CYRIB: variants seen among roughly 807,000 people sequenced by gnomAD.
CYRIB encodes CYFIP related Rac1 interactor B.
Under a neutral mutation model 44.2 loss-of-function variants are expected in CYRIB, and 8 were observed. The observed-to-expected ratio is 0.18, with a 90% CI of 0.11 to 0.33. CYRIB has a LOEUF of 0.33. Ranked by LOEUF, CYRIB falls within the 10% of genes least tolerant of loss-of-function variation. The pLI, the probability that CYRIB is intolerant of heterozygous loss-of-function variation, is 1.00. For synonymous variants in CYRIB, 131 were observed against 127.2 expected, an observed-to-expected ratio of 1.03 and a Z score of -0.20; for missense variants, 185 against 382.8, an observed-to-expected ratio of 0.48 and a Z score of 4.31.
At chr8:129,982,781 T>C (rs373689443) in intron 1 of CYRIB, among the ~76,000 whole-genome samples, 4 of 152,338 alleles carry the variant, frequency 2.6e-5, no homozygotes, top group African/African-American at 4.8e-5. Context: ...AGCAGATCTC[T>C]AAAACCCTTG....
chr8:129,993,933 G>A lies in CYRIB; in HGVS notation c.-296+22437C>T, dbSNP rs75980645. Among the ~76,000 whole-genome samples, 1,451 of 151,692 alleles carry A rather than the reference G, an allele frequency of 9.6e-3. 12 individuals carry two copies. The highest frequency in any genetic ancestry group is 0.017 in the Non-Finnish European group (1,155 of 67,956). ...CCTCCCTCAATTCTCCCACCATCTG[G>A]ACACCATCATCCAGTTGTGTGTCTC... On this transcript the variant is annotated intron_variant, in intron 1 of 14. Coordinates refer to the CYRIB transcript ENST00000401979.
At chr8:129,988,421 C>A (rs1406879449) in intron 1 of CYRIB, among the ~76,000 whole-genome samples, 1 of 152,190 alleles carries the variant, frequency 6.6e-6, no homozygotes, top group Non-Finnish European at 1.5e-5. Context: ...GCCACGTGGA[C>A]CTGTGAATGT....
intron 4 of CYRIB, among the ~76,000 whole-genome samples, chr8:129,866,667 C>A (rs1319579607): frequency 6.6e-6 from 1 of 152,132 alleles, no homozygotes; most frequent in African/African-American, 2.4e-5. Flanking sequence ...TATTTTCTTG[C>A]AAGGATCTAA....
At chr8:129,989,655 T>C (rs1451686567) in intron 1 of CYRIB, among the ~76,000 whole-genome samples, 2 of 151,732 alleles carry the variant, frequency 1.3e-5, no homozygotes, top group African/African-American at 4.8e-5. Context: ...TTTTTTTTTT[T>C]TAATTATACT....
intron 1 of CYRIB, among the ~76,000 whole-genome samples, chr8:129,992,673 G>C (rs1471492201): frequency 1.3e-5 from 2 of 152,228 alleles, no homozygotes; most frequent in Admixed American, 6.5e-5. Flanking sequence ...CAGAGCTGCA[G>C]AGCCCTGATC....
chr8:129,993,700 A>C (rs2096699169), intron 1 of CYRIB, among the ~76,000 whole-genome samples: 1 of 151,806 alleles, frequency 6.6e-6, no homozygotes, highest in Non-Finnish European at 1.5e-5. Context: ...CTCTCTCAAA[A>C]AAAAAAAAAA....
intron 2 of CYRIB, among the ~76,000 whole-genome samples, chr8:129,951,237 G>A (rs1470171919): frequency 6.6e-6 from 1 of 152,190 alleles, no homozygotes; most frequent in Non-Finnish European, 1.5e-5. Context: ...CTGGGAGACA[G>A]AAGTTGCAGT....
At chr8:129,928,565 C>T (rs1284997546) in intron 1 of CYRIB, among the ~76,000 whole-genome samples, 1 of 151,518 alleles carries the variant, frequency 6.6e-6, no homozygotes, top group Admixed American at 6.6e-5. Context: ...GAGGCTGAAG[C>T]AGGAGGATCG....
rs148588700 is a variant in CYRIB, at chr8:129,923,645, A to G, written c.-50+15963T>C. Among the ~76,000 whole-genome samples the G allele has an allele frequency of 4.6e-4, 70 of 152,154 alleles. No individual in the cohort carries two copies. The South Asian group carries it at 0.01, about 22-fold the overall frequency. ...AGTAAAACTACTTTTCATTCTTTCT[A>G]AAAACTTTTCACATTTCAAATCAAA... On this transcript the variant is annotated intron_variant, in intron 1 of 11. Transcript: ENST00000519824.
chr8:129,982,848 CTTT>C (rs1350221110), intron 1 of CYRIB, among the ~76,000 whole-genome samples: 12 of 152,186 alleles, frequency 7.9e-5, no homozygotes, highest in African/African-American at 2.9e-4. Context: ...CTCACCACCT[CTTT>C]CTGTCCCCAG....
At chr8:129,849,401 GTGCA>G (rs1416817650) in intron 9 of CYRIB, 32 bp from the exon 12 acceptor site, 1 of 1,569,820 alleles carries the variant, frequency 6.4e-7, no homozygotes, top group African/African-American at 1.4e-5. Context: ...CATGGAAGAA[GTGCA>G]TTACAAAATT....
At chr8:129,979,572 T>G (rs16904185) in intron 1 of CYRIB, among the ~76,000 whole-genome samples, 40,777 of 152,048 alleles carry the variant, frequency 0.27, 5,679 homozygotes, top group East Asian at 0.39. Flanking sequence ...ATTGCTATAA[T>G]ACTGGGTCGT....
chr8:129,965,749 T>G (rs2095452318), intron 2 of CYRIB, among the ~76,000 whole-genome samples: 1 of 151,194 alleles, frequency 6.6e-6, no homozygotes, highest in Admixed American at 6.6e-5. Context: ...TGAGCTGAGA[T>G]CGCGCCACTG....
exon 12 of CYRIB, chr8:129,841,699 GTTAAT>G (rs1175597401): frequency 6.5e-6 from 1 of 154,904 alleles, no homozygotes; most frequent in African/African-American, 2.4e-5. Context: ...GTACAACACA[GTTAAT>G]TTAAACATTT....
At chr8:129,928,981 T>C (rs2089698336) in intron 1 of CYRIB, among the ~76,000 whole-genome samples, 2 of 152,212 alleles carry the variant, frequency 1.3e-5, no homozygotes, top group South Asian at 4.1e-4. Context: ...CATATCTGCA[T>C]ACAAATGTTC....
In CYRIB at chr8:129,892,659, G is replaced by A. The variant is rs115396071; in HGVS notation, c.-11+10653C>T. Among the ~76,000 whole-genome samples, 908 of 152,218 alleles carry A rather than the reference G, an allele frequency of 6.0e-3. 10 individuals carry two copies. Among genetic ancestry groups the A allele is most frequent in the African/African-American group, 0.021 (860 of 41,538 alleles). ...GGCTGATGTAAAACGCAAGAGCAATGGGCACAATTGGGTGGAAGTGTAAAC... is the reference window on the plus strand; with the variant it reads ...GGCTGATGTAAAACGCAAGAGCAATAGGCACAATTGGGTGGAAGTGTAAAC... On this transcript the variant is annotated intron_variant, in intron 2 of 11. Coordinates refer to ENST00000519824, the Ensembl canonical transcript of CYRIB.
intron 1 of CYRIB, among the ~76,000 whole-genome samples, chr8:129,906,069 A>C (rs1430304975): frequency 6.6e-6 from 1 of 152,110 alleles, no homozygotes; most frequent in Non-Finnish European, 1.5e-5. Flanking sequence ...TCAAGCTACC[A>C]ATGACTTTCT....
At chr8:130,005,051 G>A (rs930404059) in intron 1 of CYRIB, among the ~76,000 whole-genome samples, 2 of 152,178 alleles carry the variant, frequency 1.3e-5, no homozygotes, top group African/African-American at 4.8e-5. Context: ...ACAGGCATGA[G>A]CCACCGTGGC....
At chr8:129,940,521 G>A (rs1188953834), upstream of CYRIB, among the ~76,000 whole-genome samples, 2 of 152,150 alleles carry the variant, frequency 1.3e-5, no homozygotes, top group Non-Finnish European at 2.9e-5. Context: ...ATATCTAGTG[G>A]GCAGAAACTT....
Sources: gnomAD v4.1 joint callset for allele counts (sites outside exome capture counted in the v4.1 genomes callset) on GRCh38, gnomAD v4.1.1 for gene constraint, MANE v1.5 for transcripts, NCBI Gene and HGNC (gene_info 2026-07-23, HGNC 2026-07-21) for gene names.